CFAP20DC: variants seen among roughly 807,000 people sequenced by gnomAD.
CFAP20DC encodes the protein protein CFAP20DC.
CFAP20DC carries 84 observed loss-of-function variants against 101.7 expected under a neutral mutation model. That is an observed-to-expected ratio of 0.83 (90% CI 0.69 to 0.99). The LOEUF (loss-of-function observed/expected upper bound fraction) is 0.99, where lower values mean the gene tolerates loss of function less well. Ranked by LOEUF, CFAP20DC falls within the 50% of genes least tolerant of loss-of-function variation. The pLI, the probability that CFAP20DC is intolerant of heterozygous loss-of-function variation, is 0.00. For missense variants in CFAP20DC, 1,007 were observed against 970.3 expected (o/e 1.04, Z -0.50); for synonymous variants, 359 against 351.2 (o/e 1.02, Z -0.25).
At chr3:58,860,873 G>A (rs1200946110) in intron 12 of CFAP20DC, among the ~76,000 whole-genome samples, 1 of 152,006 alleles carries the variant, frequency 6.6e-6, no homozygotes, top group African/African-American at 2.4e-5. Flanking sequence ...TAGCTCACTA[G>A]GAAATATTGT....
At chr3:59,003,406 CTT>C (rs1559974211) in intron 4 of CFAP20DC, among the ~76,000 whole-genome samples, 3 of 152,136 alleles carry the variant, frequency 2.0e-5, no homozygotes, top group Non-Finnish European at 4.4e-5. Context: ...TTATAGGCTG[CTT>C]TTAGATGTGC....
Position 58,753,720 on chromosome 3 carries a change from T to C in CFAP20DC, c.2332+49A>G, listed in dbSNP as rs372383069. 4.3e-5 allele frequency: 50 copies of C among 1,170,712 alleles called. No homozygotes were observed. The African/African-American group carries it at 4.9e-4, about 12-fold the overall frequency. The allele number at this position is 1,170,712 out of a possible 1,614,324, so 72.5% of individuals were successfully genotyped here. On this transcript the variant is annotated intron_variant, in intron 16 of 16. Transcript: ENST00000482387. ...CAAAGTGATGGATTCTCTCTATTTATAGTAAATTATTTTTATTTTCTTATG... is the reference window on the plus strand; with the variant it reads ...CAAAGTGATGGATTCTCTCTATTTACAGTAAATTATTTTTATTTTCTTATG...
At chr3:58,727,059 A>T (rs2067563888) in intron 3 of CFAP20DC, 1 of 247,674 alleles carries the variant, frequency 4.0e-6, no homozygotes, top group South Asian at 3.7e-5. Flanking sequence ...CATCACTTCC[A>T]CTCACACCAT....
intron 3 of CFAP20DC, among the ~76,000 whole-genome samples, chr3:58,720,524 G>C (rs1378970320): frequency 1.3e-5 from 2 of 152,148 alleles, no homozygotes; most frequent in African/African-American, 2.4e-5. Flanking sequence ...AGTCTGCTGG[G>C]TGGAACAGGC....
At chr3:58,751,609 T>C (rs2068580275) in intron 16 of CFAP20DC, among the ~76,000 whole-genome samples, 2 of 152,188 alleles carry the variant, frequency 1.3e-5, no homozygotes, top group African/African-American at 4.8e-5. Flanking sequence ...GCTTTTCCTG[T>C]AGATCAGAAA....
chr3:58,783,287 G>C (rs1336618907), intron 15 of CFAP20DC, among the ~76,000 whole-genome samples: 5 of 151,840 alleles, frequency 3.3e-5, no homozygotes. Context: ...ACTCAAGATG[G>C]ATTCAAGACT....
In CFAP20DC at chr3:58,770,037, C is replaced by A. The variant is rs117831660; in HGVS notation, c.2238-16174G>T. Among the ~76,000 whole-genome samples, 262 of 152,308 alleles carry A rather than the reference C, an allele frequency of 1.7e-3. 5 individuals carry two copies. The East Asian group carries it at 0.034, about 20-fold the overall frequency. On this transcript the variant is annotated intron_variant, in intron 15 of 16. Transcript: ENST00000482387. ...TTAAATATACTTTATATGTTCTCTG[C>A]AGAATATCTTTCTATCTTTCCTGTA...
chr3:58,935,940 A>T (rs540026349), intron 5 of CFAP20DC, among the ~76,000 whole-genome samples: 2 of 152,066 alleles, frequency 1.3e-5, no homozygotes, highest in South Asian at 4.2e-4. Flanking sequence ...AATTAAACTG[A>T]AGAGCTTCTG....
Position 58,869,300 on chromosome 3 carries a change from T to A in CFAP20DC, c.1015+28A>T. On this transcript the variant is annotated intron_variant, in intron 9 of 16. Coordinates refer to ENST00000482387, the MANE Select transcript of CFAP20DC (RefSeq NM_001394063.1). This position sits in a 1 kb window ranked among gnomAD's most constrained non-coding sequence, Gnocchi z 4.3. ...CATTTCTCACTATTTTCACTAGCTA[T>A]CAATCTTTATGCATGATTATTTCTT... The A allele has an allele frequency of 6.4e-7, 1 of 1,570,018 alleles. No homozygotes were observed. The highest frequency in any genetic ancestry group is 8.7e-7 in the Non-Finnish European group (1 of 1,147,076).
At chr3:58,853,210 A>G (rs1424598622) in intron 12 of CFAP20DC, among the ~76,000 whole-genome samples, 5 of 152,216 alleles carry the variant, frequency 3.3e-5, no homozygotes, top group Admixed American at 6.5e-5. Context: ...AAACACCTCT[A>G]CGCAAATAAA....
chr3:58,941,085 C>A (rs1160053338), intron 4 of CFAP20DC, among the ~76,000 whole-genome samples: 1 of 152,012 alleles, frequency 6.6e-6, no homozygotes, highest in Non-Finnish European at 1.5e-5. Flanking sequence ...AATCCCAGCA[C>A]TTTGGGAGGC....
chr3:58,767,882 C>T (rs2070462968), intron 15 of CFAP20DC, among the ~76,000 whole-genome samples: 1 of 152,202 alleles, frequency 6.6e-6, no homozygotes, highest in Non-Finnish European at 1.5e-5. Flanking sequence ...AACTGTCTAC[C>T]TACTGCTTTC....
chr3:59,035,925 G>C (rs1193635002), intron 4 of CFAP20DC, among the ~76,000 whole-genome samples: 1 of 151,476 alleles, frequency 6.6e-6, no homozygotes, highest in East Asian at 1.9e-4. Flanking sequence ...TATCCCTGAT[G>C]AACATGGATG....
chr3:58,971,411 A>T lies in CFAP20DC; in HGVS notation c.279-33649T>A, dbSNP rs910798844. 1.3e-5 allele frequency among the ~76,000 whole-genome samples: 2 copies of T among 152,182 alleles called. No homozygotes were observed. Among genetic ancestry groups the T allele is most frequent in the African/African-American group, 4.8e-5 (2 of 41,452 alleles). On this transcript the variant is annotated intron_variant, in intron 4 of 16. Transcript: ENST00000482387. The surrounding 1 kb of genome is among the most constrained non-coding windows in gnomAD (Gnocchi z 4.1). ...GAAAATCTGTCAAATGTTTTAAAAT[A>T]TCTCCGACATTCACTCTTTAGATCT... is the stretch of plus-strand genomic sequence containing the variant.
At chr3:58,840,052 G>C (rs1022901143) in intron 13 of CFAP20DC, among the ~76,000 whole-genome samples, 10 of 152,206 alleles carry the variant, frequency 6.6e-5, no homozygotes, top group African/African-American at 1.9e-4. Context: ...TTTAAAAAGA[G>C]AGCAGAGGGA....
At chr3:58,950,720 G>A (rs2090004730) in intron 4 of CFAP20DC, among the ~76,000 whole-genome samples, 1 of 152,212 alleles carries the variant, frequency 6.6e-6, no homozygotes, top group South Asian at 2.1e-4. Context: ...GTAGAAAGCT[G>A]AAGCTGGATC....
chr3:59,021,541 T>C (rs2093802872), intron 4 of CFAP20DC, among the ~76,000 whole-genome samples: 1 of 152,088 alleles, frequency 6.6e-6, no homozygotes, highest in Non-Finnish European at 1.5e-5. Context: ...TTACAACCTC[T>C]AAAATTGAAA....
At chr3:59,034,587 A>G (rs145647939) in intron 4 of CFAP20DC, among the ~76,000 whole-genome samples, 2 of 152,324 alleles carry the variant, frequency 1.3e-5, no homozygotes, top group East Asian at 3.9e-4. Flanking sequence ...AAAGATCAAA[A>G]AAGACAAAGA....
intron 4 of CFAP20DC, among the ~76,000 whole-genome samples, chr3:58,939,469 AT>A (rs986391379): frequency 2.6e-5 from 4 of 151,990 alleles, no homozygotes; most frequent in Admixed American, 6.6e-5. Flanking sequence ...TTTATTTTTT[AT>A]TTTTTTGAGA....
Sources: gnomAD v4.1 joint callset for allele counts (sites outside exome capture counted in the v4.1 genomes callset) on GRCh38, gnomAD v4.1.1 for gene constraint, Gnocchi (gnomAD v3.1) non-coding constraint, MANE v1.5 for transcripts, NCBI Gene and HGNC (gene_info 2026-07-23, HGNC 2026-07-21) for gene names.